The following RARB variants were observed in gnomAD, a reference collection of about 807,000 sequenced individuals.
The protein encoded by RARB is retinoic acid receptor beta.
A neutral mutation model predicts 51.9 loss-of-function variants in RARB; 17 were observed. The observed-to-expected ratio is 0.33, with a 90% CI of 0.22 to 0.49. RARB has a LOEUF of 0.49. RARB is among the 20% of genes least tolerant of loss of function. The pLI, the probability that RARB is intolerant of heterozygous loss-of-function variation, is 0.99. For missense variants in RARB, 369 were observed against 550.8 expected (o/e 0.67, Z 3.30); for synonymous variants, 215 against 195.4 (o/e 1.10, Z -0.84).
chr3:24,879,362 G>A (rs1005365075), intron 2 of RARB, among the ~76,000 whole-genome samples: 1 of 151,746 alleles, frequency 6.6e-6, no homozygotes, highest in Non-Finnish European at 1.5e-5. Context: ...CCGGGAGGCG[G>A]AGCTTGCAGT....
At chr3:24,993,119 A>G (rs1245829064) in intron 2 of RARB, among the ~76,000 whole-genome samples, 2 of 152,180 alleles carry the variant, frequency 1.3e-5, no homozygotes, top group African/African-American at 4.8e-5. Flanking sequence ...TCATACAAAC[A>G]CACATTCACT....
chr3:25,294,628 A>G (rs907654514), intron 5 of RARB, among the ~76,000 whole-genome samples: 1 of 152,178 alleles, frequency 6.6e-6, no homozygotes, highest in African/African-American at 2.4e-5. Flanking sequence ...AGCTAAAACC[A>G]CAGAGGAAAT....
At chr3:24,905,550 G>A (rs1694843019) in intron 2 of RARB, among the ~76,000 whole-genome samples, 1 of 152,140 alleles carries the variant, frequency 6.6e-6, no homozygotes, top group Admixed American at 6.5e-5. Flanking sequence ...AGATTACTAG[G>A]TAGAGTTTTT....
intron 5 of RARB, among the ~76,000 whole-genome samples, chr3:25,282,985 G>T (rs1282040861): frequency 6.6e-6 from 1 of 152,162 alleles, no homozygotes; most frequent in African/African-American, 2.4e-5. Flanking sequence ...TTTGTCACTG[G>T]ACATTGTAAG....
chr3:25,164,084 C>G (rs1202121322), intron 4 of RARB, among the ~76,000 whole-genome samples: 1 of 151,910 alleles, frequency 6.6e-6, no homozygotes, highest in Non-Finnish European at 1.5e-5. Flanking sequence ...GGCTGCCTGG[C>G]TTGATAAAAA....
At chr3:25,171,642 G>GT (rs200529299) in intron 4 of RARB, among the ~76,000 whole-genome samples, 6 of 2,380 alleles carry the variant, frequency 2.5e-3, no homozygotes, top group Admixed American at 7.5e-3. Context: ...TCCCTGGTTG[G>GT]TAAAAAAAAA....
At chr3:24,970,839 G>A (rs1317309733) in intron 2 of RARB, among the ~76,000 whole-genome samples, 1 of 152,008 alleles carries the variant, frequency 6.6e-6, no homozygotes, top group African/African-American at 2.4e-5. Flanking sequence ...TCCAAGTCAT[G>A]AGAATAGAAA....
chr3:25,313,580 C>T (rs996565588), intron 5 of RARB, among the ~76,000 whole-genome samples: 5 of 152,124 alleles, frequency 3.3e-5, no homozygotes, highest in African/African-American at 1.2e-4. Flanking sequence ...TGCTAATTGG[C>T]TCCCAGATCT....
chr3:24,958,527 T>C (rs1696072620), intron 2 of RARB, among the ~76,000 whole-genome samples: 1 of 152,054 alleles, frequency 6.6e-6, no homozygotes, highest in Non-Finnish European at 1.5e-5. Flanking sequence ...TCTCTTTAGG[T>C]TTCCCTTTTT....
chr3:25,122,181 C>G (rs528736705), intron 3 of RARB, among the ~76,000 whole-genome samples: 3 of 151,938 alleles, frequency 2.0e-5, no homozygotes, highest in African/African-American at 7.3e-5. Context: ...TGTTTTTCAG[C>G]AATTGTTGTG....
intron 2 of RARB, among the ~76,000 whole-genome samples, chr3:24,928,157 GAAGTCAGCAGGTATA>G (rs1193113674): frequency 6.6e-6 from 1 of 151,930 alleles, no homozygotes; most frequent in Non-Finnish European, 1.5e-5. Context: ...TATGCCATTG[GAAGTCAGCAGGTATA>G]AAGTCAATGT....
intron 5 of RARB, among the ~76,000 whole-genome samples, chr3:25,288,131 C>T (rs1257304114): frequency 1.3e-5 from 2 of 152,062 alleles, no homozygotes; most frequent in Admixed American, 1.3e-4. Context: ...CAAAGAAATT[C>T]AAGCTGCAAA....
intron 2 of RARB, among the ~76,000 whole-genome samples, chr3:24,892,446 G>A (rs905946578): frequency 3.3e-4 from 50 of 152,218 alleles, no homozygotes; most frequent in African/African-American, 1.2e-3. Flanking sequence ...TATGAAGGTG[G>A]CCAGATTAAG....
rs1437567703 is a variant in RARB at position 25,318,809 on chromosome 3, C to T, written c.179-142384C>T. On this transcript the variant is annotated intron_variant, in intron 5 of 11. Coordinates refer to the RARB transcript ENST00000383772. Reference sequence around the variant, plus strand: ...CACCCTGAAACTCTCTCATGACCTGCAAGACAGAAGGGAATTTCAAAAAGG... The same window carrying T: ...CACCCTGAAACTCTCTCATGACCTGTAAGACAGAAGGGAATTTCAAAAAGG... Among the ~76,000 whole-genome samples, 3 of 152,190 alleles carry T rather than the reference C, an allele frequency of 2.0e-5. No individual in the cohort carries two copies. In the East Asian group the frequency reaches 5.8e-4, roughly 29 times the overall value.
intron 3 of RARB, among the ~76,000 whole-genome samples, chr3:25,110,731 T>C (rs62230292): frequency 0.12 from 18,938 of 152,136 alleles, 1,533 homozygotes; most frequent in Non-Finnish European, 0.19. Flanking sequence ...GAAGAAGGAG[T>C]ATTTAGTGTA....
chr3:25,414,758 G>A (rs1393909687), intron 5 of RARB, among the ~76,000 whole-genome samples: 1 of 152,196 alleles, frequency 6.6e-6, no homozygotes, highest in Admixed American at 6.5e-5. Flanking sequence ...TACCCAATAA[G>A]AGTTGGAAGA....
At chr3:24,921,329 G>C (rs774670467) in intron 2 of RARB, among the ~76,000 whole-genome samples, 6 of 152,082 alleles carry the variant, frequency 3.9e-5, no homozygotes, top group African/African-American at 7.2e-5. Context: ...GAACTCCTCT[G>C]TATCACTCCG....
intron 2 of RARB, among the ~76,000 whole-genome samples, chr3:24,991,503 C>T (rs1412158607): frequency 6.6e-6 from 1 of 151,504 alleles, no homozygotes; most frequent in Non-Finnish European, 1.5e-5. Context: ...CCTTCCTTTC[C>T]AATCTTACTC....
intron 5 of RARB, among the ~76,000 whole-genome samples, chr3:25,229,210 G>C (rs1300477880): frequency 6.6e-6 from 1 of 151,952 alleles, no homozygotes; most frequent in African/African-American, 2.4e-5. Context: ...TCCATTATTT[G>C]TAGTTGTCAT....
Sources: allele counts gnomAD v4.1 joint callset (sites outside exome capture counted in the v4.1 genomes callset), GRCh38; gene constraint gnomAD v4.1.1; transcripts MANE v1.5; gene names NCBI Gene and HGNC (gene_info 2026-07-23, HGNC 2026-07-21).